ITFG1: variants seen among roughly 807,000 people sequenced by gnomAD.
ITFG1 encodes T-cell immunomodulatory protein.
ITFG1 carries 34 observed loss-of-function variants against 81.8 expected under a neutral mutation model. That is an observed-to-expected ratio of 0.42 (90% CI 0.32 to 0.55). The LOEUF is 0.55. Ranked by LOEUF, ITFG1 falls within the 20% of genes least tolerant of loss-of-function variation. The pLI, the probability that ITFG1 is intolerant of heterozygous loss-of-function variation, is 0.17. For synonymous variants in ITFG1, 285 were observed against 270.6 expected, an observed-to-expected ratio of 1.05 and a Z score of -0.52; for missense variants, 672 against 755.4, an observed-to-expected ratio of 0.89 and a Z score of 1.29.
At chr16:47,364,128 C>CT (rs1968145377) in intron 8 of ITFG1, among the ~76,000 whole-genome samples, 2 of 152,212 alleles carry the variant, frequency 1.3e-5, no homozygotes, top group Admixed American at 6.5e-5. Flanking sequence ...ACCCAGCAGT[C>CT]TTTTTTACCA....
At chr16:47,246,342 C>T (rs1966002080) in intron 12 of ITFG1, among the ~76,000 whole-genome samples, 3 of 151,722 alleles carry the variant, frequency 2.0e-5, no homozygotes, top group Admixed American at 2.0e-4. Context: ...AGGTATTAAA[C>T]ATGAAAAAAT....
intron 14 of ITFG1, among the ~76,000 whole-genome samples, chr16:47,188,630 G>T (rs1192327733): frequency 9.2e-6 from 1 of 109,124 alleles, no homozygotes; most frequent in Non-Finnish European, 1.9e-5. Flanking sequence ...GGGGGAGGGG[G>T]GAGGGGGGAG....
chr16:47,302,089 G>A (rs1270566815), intron 10 of ITFG1, among the ~76,000 whole-genome samples: 1 of 152,102 alleles, frequency 6.6e-6, no homozygotes, highest in Non-Finnish European at 1.5e-5. Context: ...GCAATGCTAT[G>A]GTGTGGTAAA....
chr16:47,259,499 G>C (rs895264013), intron 11 of ITFG1, among the ~76,000 whole-genome samples: 1 of 152,104 alleles, frequency 6.6e-6, no homozygotes, highest in Non-Finnish European at 1.5e-5. Context: ...CTAATGAAAA[G>C]TGAAATAACA....
chr16:47,440,841 C>T (rs1278571585), intron 5 of ITFG1, among the ~76,000 whole-genome samples: 2 of 152,082 alleles, frequency 1.3e-5, no homozygotes, highest in East Asian at 3.8e-4. Flanking sequence ...AAGATCAGAG[C>T]AGAACTGAAG....
At chr16:47,287,290 C>T (rs963451447) in intron 10 of ITFG1, among the ~76,000 whole-genome samples, 12 of 152,064 alleles carry the variant, frequency 7.9e-5, no homozygotes, top group Admixed American at 2.6e-4. Context: ...CTCTATTGCC[C>T]GGACTGGTCT....
At chr16:47,307,108 A>C (rs1267611217) in intron 10 of ITFG1, among the ~76,000 whole-genome samples, 3 of 146,918 alleles carry the variant, frequency 2.0e-5, no homozygotes, top group Non-Finnish European at 3.0e-5. Flanking sequence ...AAAAAAAAAA[A>C]AAAAAAAAAA....
chr16:47,436,828 A>C (rs1969173137), intron 5 of ITFG1, among the ~76,000 whole-genome samples: 1 of 152,192 alleles, frequency 6.6e-6, no homozygotes, highest in Admixed American at 6.5e-5. Flanking sequence ...AAGGATGCAT[A>C]ATCAATTCAT....
chr16:47,282,792 G>A (rs1966463686), intron 10 of ITFG1, among the ~76,000 whole-genome samples: 2 of 152,274 alleles, frequency 1.3e-5, no homozygotes, highest in Middle Eastern at 3.4e-3. Context: ...ACTGGTGAAA[G>A]ATGGTATATT....
At chr16:47,419,730 G>A (rs1968920412) in intron 6 of ITFG1, among the ~76,000 whole-genome samples, 1 of 147,534 alleles carries the variant, frequency 6.8e-6, no homozygotes, top group Non-Finnish European at 1.5e-5. Context: ...AGCCTCCCAA[G>A]TACCTGAGAT....
intron 8 of ITFG1, among the ~76,000 whole-genome samples, chr16:47,337,542 C>T (rs1402557640): frequency 6.6e-6 from 1 of 152,082 alleles, no homozygotes; most frequent in Non-Finnish European, 1.5e-5. Context: ...TGCACTCCAG[C>T]CTGGGTGACA....
chr16:47,324,265 A>G (rs887512827), intron 8 of ITFG1, among the ~76,000 whole-genome samples: 10 of 151,774 alleles, frequency 6.6e-5, no homozygotes, highest in African/African-American at 2.4e-4. Context: ...GAAATAAAAT[A>G]CTTTCCAGAC....
intron 14 of ITFG1, among the ~76,000 whole-genome samples, chr16:47,198,868 G>A (rs747694959): frequency 2.6e-5 from 4 of 152,132 alleles, no homozygotes; most frequent in Non-Finnish European, 5.9e-5. Context: ...TGTGTTTTAA[G>A]CTAAGTTATT....
intron 10 of ITFG1, among the ~76,000 whole-genome samples, chr16:47,266,841 A>ATATC (rs1966282014): frequency 6.6e-6 from 1 of 152,244 alleles, no homozygotes; most frequent in Admixed American, 6.5e-5. Context: ...AAAATGTGGT[A>ATATC]TATCTATATA....
At chr16:47,163,421 C>A (rs1435709963) in intron 14 of ITFG1, among the ~76,000 whole-genome samples, 1 of 152,182 alleles carries the variant, frequency 6.6e-6, no homozygotes, top group African/African-American at 2.4e-5. Flanking sequence ...TGGCTTCTTT[C>A]ACTTAGCATG....
At chr16:47,247,759 C>T (rs775153818) in intron 12 of ITFG1, among the ~76,000 whole-genome samples, 2 of 151,864 alleles carry the variant, frequency 1.3e-5, no homozygotes, top group African/African-American at 2.4e-5. Context: ...GATTCCAAAC[C>T]GGGATCTATA....
At chr16:47,403,845 T>A (rs1257236992) in intron 6 of ITFG1, among the ~76,000 whole-genome samples, 4 of 151,076 alleles carry the variant, frequency 2.6e-5, no homozygotes, top group African/African-American at 9.7e-5. Flanking sequence ...AGGTGGTTTC[T>A]CTAGGTCAGG....
intron 10 of ITFG1, among the ~76,000 whole-genome samples, chr16:47,277,438 C>T (rs1966409375): frequency 6.6e-6 from 1 of 152,132 alleles, no homozygotes; most frequent in African/African-American, 2.4e-5. Context: ...CCCACGAATA[C>T]TATATTTTCC....
At chr16:47,437,612 A>C (rs1969184469) in intron 5 of ITFG1, among the ~76,000 whole-genome samples, 1 of 152,234 alleles carries the variant, frequency 6.6e-6, no homozygotes, top group Non-Finnish European at 1.5e-5. Context: ...TAACTGCTGA[A>C]GCTGGGTGAC....
Sources: allele counts gnomAD v4.1 joint callset (sites outside exome capture counted in the v4.1 genomes callset), GRCh38; gene constraint gnomAD v4.1.1; transcripts MANE v1.5; gene names NCBI Gene and HGNC (gene_info 2026-07-23, HGNC 2026-07-21).